Variants in PPP6R2 observed in about 807,000 individuals in gnomAD.
PPP6R2 encodes serine/threonine-protein phosphatase 6 regulatory subunit 2.
Under a neutral mutation model 100.2 loss-of-function variants are expected in PPP6R2, and 62 were observed. The observed-to-expected ratio is 0.62, with a 90% CI of 0.50 to 0.76. The LOEUF is 0.76. Ranked by LOEUF, PPP6R2 falls within the 30% of genes least tolerant of loss-of-function variation. The probability of loss-of-function intolerance (pLI) is 0.00; values close to 1 mark genes in which losing one functional copy is unlikely to be tolerated. For missense variants in PPP6R2, 1,142 were observed against 1,276.3 expected, an observed-to-expected ratio of 0.89 and a Z score of 1.60; for synonymous variants, 525 against 514.7, an observed-to-expected ratio of 1.02 and a Z score of -0.27.
chr22:50,348,424 G>A (rs932249445), intron 1 of PPP6R2, among the ~76,000 whole-genome samples: 1 of 152,056 alleles, frequency 6.6e-6, no homozygotes, highest in African/African-American at 2.4e-5. Flanking sequence ...TGAGAAGAGA[G>A]GTGTGAGAGA....
intron 2 of PPP6R2, among the ~76,000 whole-genome samples, chr22:50,389,557 T>C (rs902102536): frequency 3.5e-4 from 12 of 34,634 alleles, no homozygotes; most frequent in East Asian, 1.1e-3. Flanking sequence ...TCTTTTTTTG[T>C]TTTTTTTTTT....
At chr22:50,396,472 GC>G (rs1188702560) in intron 3 of PPP6R2, among the ~76,000 whole-genome samples, 16 of 150,200 alleles carry the variant, frequency 1.1e-4, no homozygotes, top group Non-Finnish European at 2.2e-4. Context: ...TCCAGCCTGG[GC>G]GACAGAGTGA....
chr22:50,438,699 G>A lies in PPP6R2; in HGVS notation c.2065G>A (p.Gly689Arg), dbSNP rs758983418. ...ASLEAHRDAPGAGAPPAPGKK... is the reference protein window; with the variant it reads ...ASLEAHRDAPRAGAPPAPGKK... ...CTTGGAAGCACACAGAGATGCACCT[G>A]GGGCAGGTGCCCCACCGGCCCCCGG... Residue 689 changes from glycine (G) to arginine (R), a missense_variant, in exon 19 of 24, where the codon GGG (glycine) becomes AGG (arginine). Gly to Arg is a moderately radical substitution (Grantham distance 125). Around this residue, in one of 2 missense-constraint regions of PPP6R2, gnomAD observed 550 missense variants for 517.4 expected, o/e 1.06. Transcript: ENST00000612753. 6.2e-7 allele frequency: 1 copy of A among 1,613,806 alleles called. No homozygotes were observed. The highest frequency in any genetic ancestry group is 8.5e-7 in the Non-Finnish European group (1 of 1,179,954).
upstream of PPP6R2, among the ~76,000 whole-genome samples, chr22:50,341,942 G>A (rs566313437): frequency 2.1e-3 from 312 of 151,592 alleles, 1 homozygote; most frequent in Middle Eastern, 0.02. Flanking sequence ...GCAGTGAGCC[G>A]AGATCGCGCC....
the PPP6R2 span, among the ~76,000 whole-genome samples, chr22:50,335,236 T>G: frequency 1.2e-4 from 17 of 136,580 alleles, no homozygotes; most frequent in South Asian, 5.0e-4. Flanking sequence ...TTTTTTTTTT[T>G]TTTTTTTTAG....
chr22:50,371,720 AC>A (rs1442357519), intron 1 of PPP6R2, among the ~76,000 whole-genome samples: 1 of 151,916 alleles, frequency 6.6e-6, no homozygotes, highest in Admixed American at 6.6e-5. Flanking sequence ...GCTCACTGCA[AC>A]CTCTGCCTCC....
intron 2 of PPP6R2, among the ~76,000 whole-genome samples, chr22:50,385,767 C>T (rs1473614661): frequency 1.5e-4 from 22 of 148,228 alleles, no homozygotes; most frequent in Admixed American, 5.4e-4. Flanking sequence ...CCACCTGCCT[C>T]GGCCTCCCAA....
intron 4 of PPP6R2, 98 bp downstream of exon 4, chr22:50,406,973 G>T: frequency 8.1e-7 from 1 of 1,228,516 alleles, no homozygotes; most frequent in South Asian, 1.3e-5. Context: ...TCCTCCGGCC[G>T]CGGGAACAGC....
the PPP6R2 span, among the ~76,000 whole-genome samples, chr22:50,332,892 G>A: frequency 5.9e-5 from 9 of 152,198 alleles, no homozygotes; most frequent in African/African-American, 2.2e-4. Context: ...CATGGGCTGG[G>A]ATTACAGGCC....
intron 13 of PPP6R2, among the ~76,000 whole-genome samples, chr22:50,435,594 C>T (rs2064065436): frequency 6.6e-6 from 1 of 152,126 alleles, no homozygotes; most frequent in South Asian, 2.1e-4. Flanking sequence ...AGAGGCGGGC[C>T]CAGCTGTGGC....
chr22:50,373,040 T>C (rs1451263325), intron 2 of PPP6R2, among the ~76,000 whole-genome samples: 2 of 152,058 alleles, frequency 1.3e-5, no homozygotes, highest in African/African-American at 2.4e-5. Context: ...TAATGAGGTA[T>C]ATGTTCCGTC....
chr22:50,426,113 C>T (rs1327666120), intron 10 of PPP6R2, among the ~76,000 whole-genome samples: 1 of 152,050 alleles, frequency 6.6e-6, no homozygotes, highest in Non-Finnish European at 1.5e-5. Flanking sequence ...CCACCACATC[C>T]AGCTAATTTT....
upstream of PPP6R2, chr22:50,343,217 G>A (rs2042608773): frequency 6.6e-6 from 1 of 151,244 alleles, no homozygotes; most frequent in Non-Finnish European, 1.5e-5. Flanking sequence ...GGGGCCCGGA[G>A]AGCCGGCCCA....
chr22:50,361,781 G>A (rs1373369446), intron 1 of PPP6R2, among the ~76,000 whole-genome samples: 1 of 152,068 alleles, frequency 6.6e-6, no homozygotes, highest in African/African-American at 2.4e-5. Context: ...TAGCATAGGT[G>A]CGCTGTCTGT....
intron 1 of PPP6R2, among the ~76,000 whole-genome samples, chr22:50,356,889 G>A (rs1156777819): frequency 2.0e-5 from 3 of 151,674 alleles, no homozygotes; most frequent in East Asian, 1.9e-4. Flanking sequence ...AGGCAAGATC[G>A]TGCCACTGCC....
At chr22:50,427,204 AC>A (rs1406890731) in intron 10 of PPP6R2, among the ~76,000 whole-genome samples, 5 of 149,496 alleles carry the variant, frequency 3.3e-5, no homozygotes, top group South Asian at 4.3e-4. Flanking sequence ...AAAAAAAAAA[AC>A]AGCTGGTGAT....
chr22:50,333,497 C>T, the PPP6R2 span, among the ~76,000 whole-genome samples: 5 of 152,100 alleles, frequency 3.3e-5, no homozygotes, highest in Admixed American at 1.3e-4. Flanking sequence ...CCACCACGCC[C>T]GGCTAATTTT....
intron 1 of PPP6R2, among the ~76,000 whole-genome samples, chr22:50,348,212 C>T (rs1026737367): frequency 3.3e-5 from 5 of 152,092 alleles, no homozygotes; most frequent in African/African-American, 1.2e-4. Flanking sequence ...GGGAGTTGGA[C>T]CTTCAGTCTG....
intron 4 of PPP6R2, among the ~76,000 whole-genome samples, chr22:50,410,660 C>T (rs754965950): frequency 1.3e-4 from 20 of 151,412 alleles, no homozygotes; most frequent in Non-Finnish European, 2.1e-4. Flanking sequence ...GAAAAAAGAA[C>T]CTCTTATTTT....
Sources: gnomAD v4.1 joint callset for allele counts (sites outside exome capture counted in the v4.1 genomes callset) on GRCh38, gnomAD v4.1.1 for gene constraint, gnomAD v4.1.1 regional missense constraint, MANE v1.5 for transcripts, NCBI Gene and HGNC (gene_info 2026-07-23, HGNC 2026-07-21) for gene names.